The following PDZD2 variants were observed in gnomAD, a reference collection of about 807,000 sequenced individuals.
PDZD2 encodes the protein PDZ domain-containing protein 2.
A neutral mutation model predicts 220.7 loss-of-function variants in PDZD2; 90 were observed. The ratio of observed to expected loss-of-function variants is 0.41; its 90% CI spans 0.34 to 0.49. The LOEUF is 0.49. Ranked by LOEUF, PDZD2 falls within the 20% of genes least tolerant of loss-of-function variation. The probability of loss-of-function intolerance (pLI) is 0.28; values close to 1 mark genes in which losing one functional copy is unlikely to be tolerated. For missense variants in PDZD2, 3,174 were observed against 3,608.5 expected, an observed-to-expected ratio of 0.88 and a Z score of 3.08; for synonymous variants, 1,375 against 1,450.5, an observed-to-expected ratio of 0.95 and a Z score of 1.18.
intron 1 of PDZD2, among the ~76,000 whole-genome samples, chr5:31,658,172 G>A (rs372678826): frequency 8.5e-5 from 13 of 152,226 alleles, no homozygotes; most frequent in Admixed American, 7.2e-4. Flanking sequence ...ACAGGTGGAC[G>A]GACAGTCTTC....
chr5:31,990,800 TCA>T (rs1167450329), intron 3 of PDZD2, among the ~76,000 whole-genome samples: 2 of 152,148 alleles, frequency 1.3e-5, no homozygotes, highest in Non-Finnish European at 2.9e-5. Context: ...AATCCACAAA[TCA>T]CAGTGTCAGA....
At chr5:31,873,282 A>G (rs1738993307) in intron 2 of PDZD2, among the ~76,000 whole-genome samples, 1 of 151,920 alleles carries the variant, frequency 6.6e-6, no homozygotes, top group South Asian at 2.1e-4. Context: ...AAAAATTTAA[A>G]AATTAGCTGG....
chr5:32,105,712 T>C (rs111349874), intron 24 of PDZD2, among the ~76,000 whole-genome samples: 89 of 152,206 alleles, frequency 5.8e-4, no homozygotes, highest in Non-Finnish European at 9.3e-4. Context: ...CAACAAAAGC[T>C]ATGCAAGACC....
chr5:31,639,723 C>T lies in PDZD2; in HGVS notation c.-361+286C>T, dbSNP rs1744867517. On this transcript the variant is annotated intron_variant, in intron 1 of 24. Coordinates refer to ENST00000438447, the MANE Select transcript of PDZD2 (RefSeq NM_178140.4). The surrounding 1 kb of genome is among the most constrained non-coding windows in gnomAD (Gnocchi z 4.1). ...CAGCGGGACAACCGGAGACGCACTGCCGGGGGTACTCAAGACAGGGCCGGG... is the reference window on the plus strand; with the variant it reads ...CAGCGGGACAACCGGAGACGCACTGTCGGGGGTACTCAAGACAGGGCCGGG... Among the ~76,000 whole-genome samples, 1 of 152,154 alleles carries T rather than the reference C, an allele frequency of 6.6e-6. No homozygotes were observed. The highest frequency in any genetic ancestry group is 2.4e-5 in the African/African-American group (1 of 41,452).
intron 1 of PDZD2, among the ~76,000 whole-genome samples, chr5:31,681,206 G>A (rs375812952): frequency 3.5e-4 from 54 of 152,222 alleles, no homozygotes; most frequent in African/African-American, 1.3e-3. Flanking sequence ...GCTTATGACT[G>A]TTGATTCATC....
intron 3 of PDZD2, among the ~76,000 whole-genome samples, chr5:31,994,717 C>A (rs144077090): frequency 0.019 from 2,942 of 152,174 alleles, 95 homozygotes; most frequent in African/African-American, 0.066. Context: ...AAACTCCTGA[C>A]CTCAGGTGAT....
At chr5:31,667,046 C>G (rs1033262225) in intron 1 of PDZD2, among the ~76,000 whole-genome samples, 3 of 151,942 alleles carry the variant, frequency 2.0e-5, no homozygotes, top group Non-Finnish European at 4.4e-5. Flanking sequence ...ACCATCCTGG[C>G]TAACACGGTG....
intron 2 of PDZD2, among the ~76,000 whole-genome samples, chr5:31,807,120 G>A (rs1045002820): frequency 6.6e-6 from 1 of 152,036 alleles, no homozygotes; most frequent in Admixed American, 6.6e-5. Flanking sequence ...ATTTTTAGTA[G>A]AGACGGGGTT....
At chr5:31,689,399 T>G (rs1232608439) in intron 1 of PDZD2, among the ~76,000 whole-genome samples, 1 of 136,792 alleles carries the variant, frequency 7.3e-6, no homozygotes, top group Non-Finnish European at 1.5e-5. Context: ...TTCACCACAT[T>G]GGCCAGGCTG....
At chr5:31,858,025 T>C (rs1221857191) in intron 2 of PDZD2, among the ~76,000 whole-genome samples, 1 of 152,082 alleles carries the variant, frequency 6.6e-6, no homozygotes, top group African/African-American at 2.4e-5. Context: ...GGGATTTCAC[T>C]GTGTTGGCTA....
chr5:31,808,483 C>T (rs530629455), intron 2 of PDZD2, among the ~76,000 whole-genome samples: 1 of 152,254 alleles, frequency 6.6e-6, no homozygotes, highest in Admixed American at 6.5e-5. Context: ...GCTGTCTCCA[C>T]GTGCTGTTTC....
At chr5:31,641,895 C>T (rs1203814359) in intron 1 of PDZD2, among the ~76,000 whole-genome samples, 1 of 152,090 alleles carries the variant, frequency 6.6e-6, no homozygotes, top group Non-Finnish European at 1.5e-5. Flanking sequence ...AGGCCTGGAA[C>T]AGTTGCTAAT....
intron 2 of PDZD2, among the ~76,000 whole-genome samples, chr5:31,978,263 C>G (rs1561246180): frequency 6.6e-6 from 1 of 152,114 alleles, no homozygotes; most frequent in Non-Finnish European, 1.5e-5. Flanking sequence ...ATACTGACTT[C>G]AGAGTTTACT....
intron 2 of PDZD2, chr5:31,832,386 C>T (rs1377614116): frequency 6.6e-6 from 1 of 152,212 alleles, no homozygotes; most frequent in East Asian, 1.9e-4. Context: ...TGACACTCAA[C>T]TGTACACTTG....
At chr5:32,094,461 T>C (rs1465084933) in intron 21 of PDZD2, among the ~76,000 whole-genome samples, 2 of 152,116 alleles carry the variant, frequency 1.3e-5, no homozygotes, top group African/African-American at 4.8e-5. Context: ...AATTCAAATA[T>C]AGAGGGGCTG....
At position 31,663,777 on chromosome 5, in the gene PDZD2, C is replaced by T. The variant is rs547779980; in HGVS notation, c.-361+24340C>T. ...GAAAGGGTTGTTCCTAGGATGGTCA[C>T]TGCTGTCGTATGAATCACAAGACAG... On this transcript the variant is annotated intron_variant, in intron 1 of 24. Coordinates refer to ENST00000438447, the MANE Select transcript of PDZD2 (RefSeq NM_178140.4). Among the ~76,000 whole-genome samples, 6 of 152,212 alleles carry T rather than the reference C, an allele frequency of 3.9e-5. No homozygotes were observed. The South Asian group carries it at 1.2e-3, about 32-fold the overall frequency.
chr5:32,074,935 C>T (rs927726615), intron 18 of PDZD2, among the ~76,000 whole-genome samples: 2 of 151,982 alleles, frequency 1.3e-5, no homozygotes, highest in Admixed American at 6.6e-5. Flanking sequence ...CTCAGCCTCC[C>T]GAGGAGCTGG....
Position 31,960,007 on chromosome 5 carries a change from C to T in PDZD2, c.477-23148C>T, listed in dbSNP as rs149700256. ...TGTCCTTTTCTCTTATCAAGACACACTCATTGGATTTAGGGGCTGCCCTAA... is the reference window on the plus strand; with the variant it reads ...TGTCCTTTTCTCTTATCAAGACACATTCATTGGATTTAGGGGCTGCCCTAA... On this transcript the variant is annotated intron_variant, in intron 2 of 24. Coordinates refer to ENST00000438447, the MANE Select transcript of PDZD2 (RefSeq NM_178140.4). Among the ~76,000 whole-genome samples, 573 of 152,270 alleles carry T rather than the reference C, an allele frequency of 3.8e-3. 3 individuals are homozygous for T. Among genetic ancestry groups the T allele is most frequent in the African/African-American group, 0.013 (544 of 41,552 alleles).
intron 2 of PDZD2, among the ~76,000 whole-genome samples, chr5:31,827,715 A>G (rs7726114): frequency 0.64 from 94,386 of 146,978 alleles, 31,571 homozygotes; most frequent in African/African-American, 0.67. Context: ...AAATAAAAAA[A>G]TAAAAATAAT....
Sources: gnomAD v4.1 joint callset for allele counts (sites outside exome capture counted in the v4.1 genomes callset) on GRCh38, gnomAD v4.1.1 for gene constraint, Gnocchi (gnomAD v3.1) non-coding constraint, MANE v1.5 for transcripts, NCBI Gene and HGNC (gene_info 2026-07-23, HGNC 2026-07-21) for gene names.